The following CAPN14 variants were observed in gnomAD, a reference collection of about 807,000 sequenced individuals.
The protein encoded by CAPN14 is calpain 14, also known as calpain-14.
CAPN14 carries 94 observed loss-of-function variants against 101.3 expected under a neutral mutation model. The observed-to-expected ratio is 0.93, with a 90% confidence interval of 0.79 to 1.10. The LOEUF (loss-of-function observed/expected upper bound fraction) is 1.10, where lower values mean the gene tolerates loss of function less well. Ranked by LOEUF, CAPN14 falls within the 50% of genes least tolerant of loss-of-function variation. The pLI is 0.00. For synonymous variants in CAPN14, 338 were observed against 317.9 expected, an observed-to-expected ratio of 1.06 and a Z score of -0.67; for missense variants, 837 against 828.4, an observed-to-expected ratio of 1.01 and a Z score of -0.13.
intron 1 of CAPN14, among the ~76,000 whole-genome samples, chr2:31,214,929 C>T (rs1378888540): frequency 6.6e-6 from 1 of 152,180 alleles, no homozygotes; most frequent in Non-Finnish European, 1.5e-5. Flanking sequence ...CTGAGCAGTT[C>T]CAGGGAGTCA....
chr2:31,229,589 G>C (rs939332189), intron 1 of CAPN14, among the ~76,000 whole-genome samples: 5 of 145,938 alleles, frequency 3.4e-5, no homozygotes, highest in African/African-American at 1.3e-4. Context: ...GGCAGGCTGA[G>C]AATCTCTTGA....
chr2:31,182,082 C>A (rs1572392414), intron 16 of CAPN14, among the ~76,000 whole-genome samples: 1 of 152,166 alleles, frequency 6.6e-6, no homozygotes, highest in South Asian at 2.1e-4. Flanking sequence ...GTTCTAGATC[C>A]CCGAGGATTC....
chr2:31,217,593 C>T (rs996002230), upstream of CAPN14: 4 of 152,314 alleles, frequency 2.6e-5, no homozygotes, highest in Non-Finnish European at 5.9e-5. Flanking sequence ...TGCGACCCCA[C>T]CTCCCAGGAC....
Position 31,193,113 on chromosome 2 carries a change from T to G in CAPN14, c.1114+18A>C. On this transcript the variant is annotated intron_variant, in intron 10 of 21. Coordinates refer to ENST00000403897, the MANE Select transcript of CAPN14 (RefSeq NM_001145122.2). ...CACAACCTCACCCTGAGAGCCCTGC[T>G]CCTGTGCACATGCTCACCCTGCAGC... The G allele has an allele frequency of 6.5e-7, 1 of 1,546,032 alleles. No individual in the cohort carries two copies. Among genetic ancestry groups the G allele is most frequent in the Non-Finnish European group, 8.7e-7 (1 of 1,146,048 alleles).
At position 31,177,773 on chromosome 2, in the gene CAPN14, G is replaced by C. The variant is rs1262872946; in HGVS notation, c.1828C>G (p.Gln610Glu). The change falls in exon 19 of 22, where the codon CAG (glutamine) becomes GAG (glutamate). Residue 610 changes from glutamine (Q) to glutamate (E), a missense_variant. Gln to Glu is a conservative substitution (Grantham distance 29). Coordinates refer to ENST00000403897, the MANE Select transcript of CAPN14 (RefSeq NM_001145122.2). ...GCCTCCCTCATGGCAGCGTGCAGCT[G>C]CTCCCAGTTCAGGTATCCTGACCCA... ...DRGSGYLNWE[Q>E]LHAAMREAGI... 1.3e-6 allele frequency: 2 copies of C among 1,551,866 alleles called. No homozygotes were observed. The highest frequency in any genetic ancestry group is 1.4e-5 in the African/African-American group (1 of 73,050).
chr2:31,174,700 A>G lies in CAPN14; in HGVS notation c.2036T>C (p.Met679Thr). The G allele has an allele frequency of 6.4e-7, 1 of 1,551,660 alleles. No individual in the cohort carries two copies. Among genetic ancestry groups the G allele is most frequent in the Non-Finnish European group, 8.7e-7 (1 of 1,146,984 alleles). ...GCCTTCTCAGGAGTACAGTGCCATC[A>G]TCATCCACTGGACATGTTGGGAAAG... ...GIYLQKPEWM[M>T]MALYS The change falls in exon 22 of 22, where the codon ATG (methionine) becomes ACG (threonine). Residue 679 changes from methionine (M) to threonine (T), a missense_variant. Coordinates refer to ENST00000403897, the MANE Select transcript of CAPN14 (RefSeq NM_001145122.2).
intron 16 of CAPN14, 26 bp from the exon 17 acceptor site, chr2:31,181,026 T>A: frequency 2.6e-6 from 4 of 1,549,114 alleles, no homozygotes; most frequent in Non-Finnish European, 2.6e-6. Flanking sequence ...AGAGTCCACA[T>A]GGGGGCTGGC....
At position 31,200,450 on chromosome 2, in the gene CAPN14, C is replaced by A. The variant is rs1338077008; in HGVS notation, c.726+1G>T. The stretch of plus-strand genomic sequence containing the variant: ...TTCTGCCAGTGGCAGCCCAGTCTCA[C>A]CCCTGAGTGGGTCTGGCAGCCAATG... On this transcript the variant is annotated splice_donor_variant, in intron 6 of 21. Coordinates refer to ENST00000403897, the MANE Select transcript of CAPN14 (RefSeq NM_001145122.2). LOFTEE classifies it high-confidence loss of function. 22 of 1,548,024 alleles carry A rather than the reference C, an allele frequency of 1.4e-5. No individual in the cohort carries two copies. Among genetic ancestry groups the A allele is most frequent in the Non-Finnish European group, 1.9e-5 (22 of 1,145,992 alleles).
upstream of CAPN14, among the ~76,000 whole-genome samples, chr2:31,220,226 G>A (rs374652727): frequency 3.3e-5 from 5 of 152,284 alleles, no homozygotes; most frequent in African/African-American, 1.2e-4. Flanking sequence ...ATAAAATAGA[G>A]TACTGAGATA....
intron 21 of CAPN14, 109 bp downstream of exon 21, chr2:31,176,478 T>C: frequency 1.3e-6 from 1 of 764,954 alleles, no homozygotes; most frequent in South Asian, 1.6e-5. Context: ...AATTTCCAAT[T>C]CAGCAGAATA....
rs888016509 is a variant in CAPN14, at chr2:31,173,414, C to T, written c.*1267G>A. On this transcript the variant is annotated 3_prime_UTR_variant, in exon 22 of 22. Coordinates refer to ENST00000403897, the MANE Select transcript of CAPN14 (RefSeq NM_001145122.2). ...TTTTATCTCTTCATTCAGCTTCCTT[C>T]CTGAGTCTGCTATGGAGTTGGAAAT... 2.0e-5 allele frequency: 3 copies of T among 152,168 alleles called. No homozygotes were observed. The highest frequency in any genetic ancestry group is 7.2e-5 in the African/African-American group (3 of 41,418). 9.4% of individuals were successfully genotyped at this position (152,168 alleles called of 1,614,324 possible).
Position 31,191,916 on chromosome 2 carries a change from G to C in CAPN14, c.1278+19C>G, listed in dbSNP as rs1572405133. ...CCCACGCTTGGTCCCATGCCCCTGT[G>C]GTTCAGAGGTCCACCTACCCTATAC... On this transcript the variant is annotated intron_variant, in intron 11 of 21. Coordinates refer to ENST00000403897, the MANE Select transcript of CAPN14 (RefSeq NM_001145122.2). 3 of 1,529,264 alleles carry C rather than the reference G, an allele frequency of 2.0e-6. No individual in the cohort carries two copies. The highest frequency in any genetic ancestry group is 3.5e-4 in the Middle Eastern group (2 of 5,780). The allele number at this position is 1,529,264 out of a possible 1,614,324, so 94.7% of individuals were successfully genotyped here. A position where few individuals can be genotyped will look rare whatever the true frequency, so the allele number is the denominator to read the frequency against.
rs1680194751 is a variant in CAPN14, at chr2:31,174,447, G to T, written c.*234C>A. 1 of 594,622 alleles carries T rather than the reference G, an allele frequency of 1.7e-6. No individual in the cohort carries two copies. The highest frequency in any genetic ancestry group is 2.8e-5 in the East Asian group (1 of 35,660). 36.8% of individuals were successfully genotyped at this position (594,622 alleles called of 1,614,324 possible). On this transcript the variant is annotated 3_prime_UTR_variant, in exon 22 of 22. Transcript: ENST00000403897. ...GTGACAAGGTTGTGGCCTCAGGGAAGGATGGCTAGCTTTTACAAATCTGAT... is the reference window on the plus strand; with the variant it reads ...GTGACAAGGTTGTGGCCTCAGGGAATGATGGCTAGCTTTTACAAATCTGAT...
At chr2:31,212,322 A>C (rs563720912) in intron 1 of CAPN14, among the ~76,000 whole-genome samples, 60 of 151,136 alleles carry the variant, frequency 4.0e-4, no homozygotes, top group Non-Finnish European at 8.5e-4. Context: ...CAAAAAAAAA[A>C]AAAAACAAAA....
intron 1 of CAPN14, among the ~76,000 whole-genome samples, chr2:31,213,462 A>G (rs4952063): frequency 0.59 from 89,736 of 152,020 alleles, 27,611 homozygotes; most frequent in East Asian, 0.94. Context: ...AGGGGCCACA[A>G]GCCTAAAATA....
At position 31,173,391 on chromosome 2, in the gene CAPN14, T is replaced by A. The variant is rs1323354757; in HGVS notation, c.*1290A>T. The A allele has an allele frequency of 6.6e-6, 1 of 152,228 alleles. No homozygotes were observed. The allele number at this position is 152,228 out of a possible 1,614,324, so 9.4% of individuals were successfully genotyped here. A position where few individuals can be genotyped will look rare whatever the true frequency, so the allele number is the denominator to read the frequency against. ...TAGTCCTCTGCCAATGGACACACTTTTATCTCTTCATTCAGCTTCCTTCCT... is the reference window on the plus strand; with the variant it reads ...TAGTCCTCTGCCAATGGACACACTTATATCTCTTCATTCAGCTTCCTTCCT... On this transcript the variant is annotated 3_prime_UTR_variant, in exon 22 of 22. Coordinates refer to ENST00000403897, the MANE Select transcript of CAPN14 (RefSeq NM_001145122.2).
rs764072 is a variant in CAPN14 at position 31,187,862 on chromosome 2, C to A, written c.1531-48G>T. On this transcript the variant is annotated intron_variant, in intron 14 of 21. Transcript: ENST00000403897. ...AGACACAATTATTCACCTGTATAAA[C>A]GGACTTTCGTGCACACCCTAATGTC... 0.2 allele frequency: 294,451 copies of A among 1,467,862 alleles called. 35,264 individuals carry two copies. Among genetic ancestry groups the A allele is most frequent in the African/African-American group, 0.53 (37,187 of 70,802 alleles). 90.9% of individuals were successfully genotyped at this position (1,467,862 alleles called of 1,614,324 possible).
intron 21 of CAPN14, among the ~76,000 whole-genome samples, chr2:31,176,171 A>C (rs1236883233): frequency 6.6e-5 from 10 of 152,184 alleles, no homozygotes; most frequent in Non-Finnish European, 5.9e-5. Flanking sequence ...TTCCCTGGGA[A>C]GAACAAACCT....
At chr2:31,217,339 A>AG (rs1435666165) in intron 1 of CAPN14, 117 bp downstream of exon 1, 1 of 152,252 alleles carries the variant, frequency 6.6e-6, no homozygotes, top group Non-Finnish European at 1.5e-5. Flanking sequence ...ACTCACCTGC[A>AG]AAGCTCAAAC....
Sources: allele counts gnomAD v4.1 joint callset (sites outside exome capture counted in the v4.1 genomes callset), GRCh38; gene constraint gnomAD v4.1.1; transcripts MANE v1.5; gene names NCBI Gene and HGNC (gene_info 2026-07-23, HGNC 2026-07-21).